LSAMP: variants seen among roughly 807,000 people sequenced by gnomAD.
LSAMP encodes limbic system associated membrane protein, also known as limbic system-associated membrane protein.
In LSAMP, 7 loss-of-function variants were observed where a neutral mutation model predicts 38.6. The observed-to-expected ratio is 0.18, with a 90% CI of 0.10 to 0.34. LSAMP has a LOEUF of 0.34. Among genes scored for constraint, LSAMP ranks in the 10% least tolerant of loss-of-function variants. The probability of loss-of-function intolerance (pLI) is 1.00; values close to 1 mark genes in which losing one functional copy is unlikely to be tolerated. For missense variants in LSAMP, 313 were observed against 420.0 expected, an observed-to-expected ratio of 0.75 and a Z score of 2.23; for synonymous variants, 154 against 166.8, an observed-to-expected ratio of 0.92 and a Z score of 0.59.
chr3:116,221,844 A>AGTGTGTGT (rs58596077), intron 1 of LSAMP, among the ~76,000 whole-genome samples: 20,098 of 145,304 alleles, frequency 0.14, 1,463 homozygotes, highest in Middle Eastern at 0.22. Context: ...CCTAAAAAGA[A>AGTGTGTGT]GTGTGTGTGT....
At chr3:115,844,520 GGGGAGATATTAATAAA>G (rs1302446380) in intron 4 of LSAMP, among the ~76,000 whole-genome samples, 1 of 152,148 alleles carries the variant, frequency 6.6e-6, no homozygotes, top group Non-Finnish European at 1.5e-5. Flanking sequence ...TGGTGCTGTG[GGGGAGATATTAATAAA>G]GGGATGGGAC....
intron 1 of LSAMP, among the ~76,000 whole-genome samples, chr3:116,174,241 C>T (rs538551804): frequency 6.6e-6 from 1 of 152,038 alleles, no homozygotes; most frequent in Admixed American, 6.6e-5. Context: ...TTGATAATGA[C>T]ACCTTGCTTT....
At chr3:116,029,896 A>C (rs1431972411) in intron 2 of LSAMP, among the ~76,000 whole-genome samples, 2 of 152,052 alleles carry the variant, frequency 1.3e-5, no homozygotes, top group African/African-American at 4.8e-5. Flanking sequence ...TATGAGCCCC[A>C]AGCACTGTCC....
intron 3 of LSAMP, among the ~76,000 whole-genome samples, chr3:115,894,303 T>G (rs1936675316): frequency 6.6e-6 from 1 of 152,112 alleles, no homozygotes; most frequent in Admixed American, 6.6e-5. Flanking sequence ...ATCCTAATAC[T>G]TCCTTCTATT....
intron 1 of LSAMP, among the ~76,000 whole-genome samples, chr3:116,372,233 G>A (rs922584591): frequency 2.6e-5 from 4 of 151,840 alleles, no homozygotes; most frequent in African/African-American, 9.7e-5. Flanking sequence ...ATAGGCCAAT[G>A]GAATAAAATA....
At chr3:116,107,930 T>A (rs901283111) in intron 1 of LSAMP, among the ~76,000 whole-genome samples, 10 of 152,090 alleles carry the variant, frequency 6.6e-5, no homozygotes, top group South Asian at 4.1e-4. Flanking sequence ...CTAACTTGTA[T>A]GGCTTGTCTG....
chr3:115,841,734 C>T (rs1935002385), intron 6 of LSAMP, 111 bp downstream of exon 6: 1 of 1,318,374 alleles, frequency 7.6e-7, no homozygotes, highest in Admixed American at 2.6e-5. Context: ...GTGCATATAT[C>T]CTTATTTGTT....
intron 6 of LSAMP, among the ~76,000 whole-genome samples, chr3:115,837,264 A>G (rs1442607235): frequency 6.6e-6 from 1 of 151,518 alleles, no homozygotes; most frequent in African/African-American, 2.4e-5. Flanking sequence ...AACACCTCCT[A>G]CACACGGATG....
chr3:116,176,619 G>A (rs1169688658), intron 1 of LSAMP, among the ~76,000 whole-genome samples: 1 of 152,130 alleles, frequency 6.6e-6, no homozygotes, highest in Non-Finnish European at 1.5e-5. Context: ...GGTACATAAT[G>A]ATGGGAACCA....
intron 1 of LSAMP, among the ~76,000 whole-genome samples, chr3:116,241,882 T>A (rs77444736): frequency 3.4e-4 from 52 of 152,344 alleles, no homozygotes; most frequent in African/African-American, 9.1e-4. Context: ...GCCATTGGAA[T>A]TGGGGGTGTA....
chr3:116,146,905 C>T (rs184141386), intron 1 of LSAMP, among the ~76,000 whole-genome samples: 35 of 151,844 alleles, frequency 2.3e-4, no homozygotes, highest in Admixed American at 1.2e-3. Flanking sequence ...TTCAAGGACT[C>T]GAACACTACT....
chr3:116,435,907 C>T (rs555668295), intron 1 of LSAMP, among the ~76,000 whole-genome samples: 95 of 152,100 alleles, frequency 6.2e-4, no homozygotes, highest in Non-Finnish European at 1.3e-3. Context: ...TTTAGAAACT[C>T]GGCTGTAGTA....
intron 1 of LSAMP, among the ~76,000 whole-genome samples, chr3:116,167,144 T>A (rs181224431): frequency 4.3e-4 from 65 of 152,096 alleles, no homozygotes; most frequent in African/African-American, 1.5e-3. Flanking sequence ...CAGGAGGTTT[T>A]TGGCTACATG....
chr3:116,076,054 T>A (rs2107396860), intron 2 of LSAMP, among the ~76,000 whole-genome samples: 1 of 152,286 alleles, frequency 6.6e-6, no homozygotes, highest in South Asian at 2.1e-4. Flanking sequence ...AAAATACAAT[T>A]TTTTAAAAAA....
chr3:116,218,115 C>T (rs543201410), intron 1 of LSAMP, among the ~76,000 whole-genome samples: 11 of 152,076 alleles, frequency 7.2e-5, no homozygotes, highest in Middle Eastern at 3.4e-3. Flanking sequence ...CCGAAGAGTT[C>T]GGGTGGGAGA....
At chr3:116,079,348 CT>C (rs1707821785) in intron 2 of LSAMP, among the ~76,000 whole-genome samples, 1 of 152,082 alleles carries the variant, frequency 6.6e-6, no homozygotes, top group Admixed American at 6.6e-5. Flanking sequence ...TGTCTAATAG[CT>C]TTTTAACTAA....
chr3:115,980,805 C>T (rs1458183897), intron 3 of LSAMP, among the ~76,000 whole-genome samples: 1 of 152,138 alleles, frequency 6.6e-6, no homozygotes, highest in Non-Finnish European at 1.5e-5. Context: ...CTCACTTACC[C>T]CTAAGGTCAT....
In LSAMP at chr3:116,222,266, CAA is replaced by C. The variant is rs58303455; in HGVS notation, c.156-135712_156-135711del. Among the ~76,000 whole-genome samples the C allele has an allele frequency of 5.7e-3, 738 of 129,712 alleles. 7 individuals are homozygous for C. Among genetic ancestry groups the C allele is most frequent in the African/African-American group, 0.017 (634 of 36,620 alleles). The allele number at this position is 129,712 out of a possible 152,430, so 85.1% of individuals were successfully genotyped here. A position where few individuals can be genotyped will look rare whatever the true frequency, so the allele number is the denominator to read the frequency against. On this transcript the variant is annotated intron_variant, in intron 1 of 6. Coordinates refer to ENST00000490035, the MANE Select transcript of LSAMP (RefSeq NM_002338.5). ...TGATGTTATCCCTATTTTATGACTT[CAA>C]AAAAAAAAAAAACCAAATCAATTAG... is the stretch of plus-strand genomic sequence containing the variant.
intron 1 of LSAMP, among the ~76,000 whole-genome samples, chr3:116,382,097 A>C (rs1043215528): frequency 6.6e-6 from 1 of 152,058 alleles, no homozygotes; most frequent in African/African-American, 2.4e-5. Flanking sequence ...TCAGTGTGGC[A>C]AATTCCTCAA....
Sources: gnomAD v4.1 joint callset for allele counts (sites outside exome capture counted in the v4.1 genomes callset) on GRCh38, gnomAD v4.1.1 for gene constraint, MANE v1.5 for transcripts, NCBI Gene and HGNC (gene_info 2026-07-23, HGNC 2026-07-21) for gene names.